The following ANAPC1 variants were observed in gnomAD, a reference collection of about 807,000 sequenced individuals.
ANAPC1 encodes anaphase promoting complex subunit 1.
ANAPC1 carries 36 observed loss-of-function variants against 208.0 expected under a neutral mutation model. The observed-to-expected ratio is 0.17, with a 90% CI of 0.13 to 0.23. The LOEUF is 0.23. Among genes scored for constraint, ANAPC1 ranks in the 10% least tolerant of loss-of-function variants. The probability of loss-of-function intolerance (pLI) is 1.00; values close to 1 mark genes in which losing one functional copy is unlikely to be tolerated. For synonymous variants in ANAPC1, 378 were observed against 695.2 expected (o/e 0.54, Z 7.18); for missense variants, 942 against 2,011.6 (o/e 0.47, Z 10.17).
chr2:111,847,036 G>C (rs1681129654), intron 16 of ANAPC1, 102 bp downstream of exon 16: 7 of 914,268 alleles, frequency 7.7e-6, no homozygotes, highest in Non-Finnish European at 1.2e-5. Flanking sequence ...CTAAGAACTT[G>C]ATCCAGTGGC....
chr2:111,771,907 T>C (rs1676760741), intron 47 of ANAPC1, among the ~76,000 whole-genome samples: 3 of 151,818 alleles, frequency 2.0e-5, no homozygotes, highest in South Asian at 2.1e-4. Context: ...GTGATAATAC[T>C]ATTAATTTTT....
At chr2:111,851,144 C>T (rs1233726628) in intron 13 of ANAPC1, among the ~76,000 whole-genome samples, 2 of 151,538 alleles carry the variant, frequency 1.3e-5, no homozygotes, top group Admixed American at 6.6e-5. Flanking sequence ...ACTCTTTTCC[C>T]GTGGGTGGAG....
intron 14 of ANAPC1, among the ~76,000 whole-genome samples, chr2:111,848,532 C>T (rs6744437): frequency 0.68 from 102,378 of 151,584 alleles, 34,769 homozygotes; most frequent in African/African-American, 0.73. Flanking sequence ...ATCCCAGCAC[C>T]TTGGGAGGCT....
At chr2:111,882,881 C>A (rs901640886) in intron 1 of ANAPC1, among the ~76,000 whole-genome samples, 1 of 151,574 alleles carries the variant, frequency 6.6e-6, no homozygotes, top group Non-Finnish European at 1.5e-5. Context: ...ATAAAACTTA[C>A]AAGGGGCAGG....
At chr2:111,834,218 C>A (rs75031626) in intron 19 of ANAPC1, among the ~76,000 whole-genome samples, 2 of 152,078 alleles carry the variant, frequency 1.3e-5, no homozygotes, top group Non-Finnish European at 2.9e-5. Flanking sequence ...TTGTTTGAGA[C>A]TTTACATGTA....
Position 111,883,930 on chromosome 2 carries a change from C to G in ANAPC1, c.-25+12G>C, listed in dbSNP as rs1683471523. On this transcript the variant is annotated intron_variant, in intron 1 of 47. Coordinates refer to ENST00000341068, the MANE Select transcript of ANAPC1 (RefSeq NM_022662.4). ...CGACAGACCACCAAGTGCTGCGGTA[C>G]GGCGCCCGCACCTGTATAACTCGGG... 1 of 152,288 alleles carries G rather than the reference C, an allele frequency of 6.6e-6. No homozygotes were observed. The highest frequency in any genetic ancestry group is 1.5e-5 in the Non-Finnish European group (1 of 68,088). The allele number at this position is 152,288 out of a possible 1,614,324, so 9.4% of individuals were successfully genotyped here.
Position 111,835,418 on chromosome 2 carries a change from G to A in ANAPC1, c.2116-546C>T, listed in dbSNP as rs190529711. On this transcript the variant is annotated intron_variant, in intron 18 of 47. Coordinates refer to ENST00000341068, the MANE Select transcript of ANAPC1 (RefSeq NM_022662.4). ...GTTCTACTTGTGATTTACTGCATTT[G>A]GTTCAGAGAATGTGGTTTATGCTAT... is the stretch of plus-strand genomic sequence containing the variant. 3.5e-3 allele frequency among the ~76,000 whole-genome samples: 531 copies of A among 152,250 alleles called. 5 individuals carry two copies. The highest frequency in any genetic ancestry group is 0.012 in the African/African-American group (512 of 41,546).
intron 3 of ANAPC1, 24 bp from the exon 4 acceptor site, chr2:111,873,688 C>T (rs770360830): frequency 1.3e-6 from 2 of 1,563,564 alleles, no homozygotes; most frequent in East Asian, 2.3e-5. Context: ...AAAATGCTTA[C>T]CTAAGAAAAT....
intron 3 of ANAPC1, 76 bp from the exon 4 acceptor site, chr2:111,873,740 A>G: frequency 7.0e-7 from 1 of 1,438,554 alleles, no homozygotes; most frequent in Non-Finnish European, 9.2e-7. Context: ...CATCTAAATA[A>G]TAATAATAGC....
At chr2:111,787,234 C>T (rs2686002) in intron 39 of ANAPC1, among the ~76,000 whole-genome samples, 27,893 of 122,884 alleles carry the variant, frequency 0.23, 3,282 homozygotes, top group African/African-American at 0.33. Flanking sequence ...ACCAGCAGTA[C>T]GTGAGTGTGG....
chr2:111,879,409 T>G (rs1308722837), intron 2 of ANAPC1, among the ~76,000 whole-genome samples: 1 of 152,190 alleles, frequency 6.6e-6, no homozygotes, highest in Non-Finnish European at 1.5e-5. Flanking sequence ...TCACCTTCTT[T>G]TCCTTTGTCC....
At chr2:111,809,286 CAGCAGT>C in intron 28 of ANAPC1, 105 bp from the exon 29 acceptor site, 1 of 833,760 alleles carries the variant, frequency 1.2e-6, no homozygotes, top group Non-Finnish European at 1.9e-6. Context: ...ACTGAGAATA[CAGCAGT>C]AAACTAAACA....
chr2:111,766,326 G>A (rs1330975797), downstream of ANAPC1: 1 of 152,456 alleles, frequency 6.6e-6, no homozygotes, highest in African/African-American at 2.4e-5. Context: ...TTCAGAGAGG[G>A]GGGAACCCGG....
intron 10 of ANAPC1, among the ~76,000 whole-genome samples, chr2:111,860,755 A>T (rs1682015298): frequency 6.6e-6 from 1 of 151,906 alleles, no homozygotes; most frequent in South Asian, 2.1e-4. Flanking sequence ...TTAAGTTTCC[A>T]GGACTTCAGT....
intron 20 of ANAPC1, 99 bp from the exon 21 acceptor site, chr2:111,831,533 G>C: frequency 2.0e-6 from 2 of 1,021,032 alleles, no homozygotes; most frequent in Non-Finnish European, 2.9e-6. Flanking sequence ...TTGTCATTTT[G>C]AAACAACTAG....
intron 24 of ANAPC1, among the ~76,000 whole-genome samples, chr2:111,823,636 A>C (rs1679670329): frequency 6.6e-6 from 1 of 152,224 alleles, no homozygotes; most frequent in Non-Finnish European, 1.5e-5. Flanking sequence ...CTGCTACATG[A>C]GTCGACATGG....
intron 7 of ANAPC1, among the ~76,000 whole-genome samples, chr2:111,866,860 G>A (rs1000653635): frequency 2.7e-5 from 4 of 149,392 alleles, no homozygotes; most frequent in African/African-American, 7.4e-5. Flanking sequence ...ATGTTTATTC[G>A]GGTTGTCTGC....
At chr2:111,822,071 T>C (rs371199505) in intron 25 of ANAPC1, among the ~76,000 whole-genome samples, 44 of 151,972 alleles carry the variant, frequency 2.9e-4, no homozygotes, top group East Asian at 2.7e-3. Flanking sequence ...TCAGGATATA[T>C]GTGCTCTCCC....
At chr2:111,822,949 A>G (rs1000780718) in intron 24 of ANAPC1, among the ~76,000 whole-genome samples, 10 of 151,522 alleles carry the variant, frequency 6.6e-5, no homozygotes, top group Non-Finnish European at 1.2e-4. Context: ...GTCAAAGCCA[A>G]TCAATACTAA....
Sources: gnomAD v4.1 joint callset for allele counts (sites outside exome capture counted in the v4.1 genomes callset) on GRCh38, gnomAD v4.1.1 for gene constraint, MANE v1.5 for transcripts, NCBI Gene and HGNC (gene_info 2026-07-23, HGNC 2026-07-21) for gene names.